The following HDX variants were observed in gnomAD, a reference collection of about 807,000 sequenced individuals.
HDX encodes the protein chromosome X open reading frame 43.
HDX carries 19 observed loss-of-function variants against 45.2 expected under a neutral mutation model. The observed-to-expected ratio is 0.42, with a 90% CI of 0.29 to 0.62. The LOEUF (loss-of-function observed/expected upper bound fraction) is 0.62. Among genes scored for constraint, HDX ranks in the 20% least tolerant of loss-of-function variants. HDX has a pLI of 0.20. For synonymous variants in HDX, 188 were observed against 172.8 expected (o/e 1.09, Z -0.69); for missense variants, 532 against 493.9 (o/e 1.08, Z -0.73).
chrX:84,379,809 A>T, intron 5 of HDX, among the ~76,000 whole-genome samples: 1 of 111,148 alleles, frequency 9.0e-6, no homozygotes, highest in East Asian at 2.8e-4. Flanking sequence ...AATGCATCTC[A>T]AAGAACTAGA....
chrX:84,495,046 A>G (rs2040971333), intron 1 of HDX, among the ~76,000 whole-genome samples: 2 of 111,007 alleles, frequency 1.8e-5, no homozygotes, highest in African/African-American at 6.5e-5. Flanking sequence ...ATTTGCAACT[A>G]CATAGGGGAA....
intron 4 of HDX, among the ~76,000 whole-genome samples, chrX:84,442,736 A>C (rs2039789108): frequency 9.0e-6 from 1 of 111,457 alleles, no homozygotes; most frequent in African/African-American, 3.2e-5. Context: ...TATAGATACC[A>C]AGTGTTTTGG....
At chrX:84,500,608 C>G (rs150217562) in intron 1 of HDX, among the ~76,000 whole-genome samples, 3 of 111,019 alleles carry the variant, frequency 2.7e-5, no homozygotes, top group African/African-American at 6.6e-5. Context: ...TTGGAAGGCA[C>G]TTGTGGAGGG....
intron 5 of HDX, among the ~76,000 whole-genome samples, chrX:84,423,993 T>C (rs1481517177): frequency 9.0e-6 from 1 of 111,063 alleles, no homozygotes; most frequent in Non-Finnish European, 1.9e-5. Flanking sequence ...CAGAAAGATA[T>C]AAAGGGCATC....
At chrX:84,497,331 C>T (rs1465608384) in intron 1 of HDX, among the ~76,000 whole-genome samples, 1 of 111,775 alleles carries the variant, frequency 8.9e-6, no homozygotes, top group African/African-American at 3.2e-5. Flanking sequence ...TTAAATGGCA[C>T]AGCTATTCCA....
intron 5 of HDX, among the ~76,000 whole-genome samples, chrX:84,423,483 C>CAAAAAAAAAAAA (rs538893311): frequency 1.7e-5 from 1 of 59,503 alleles, no homozygotes; most frequent in Non-Finnish European, 3.0e-5. Context: ...ACAGAAACAT[C>CAAAAAAAAAAAA]AAAAAAAAAA....
At chrX:84,388,905 G>A (rs898229320) in intron 5 of HDX, among the ~76,000 whole-genome samples, 1 of 111,597 alleles carries the variant, frequency 9.0e-6, no homozygotes, top group Non-Finnish European at 1.9e-5. Context: ...TTAATTGCCA[G>A]ACTTTTGTGC....
intron 3 of HDX, 41 bp downstream of exon 3, chrX:84,475,210 A>G: frequency 8.9e-7 from 1 of 1,118,709 alleles, no homozygotes; most frequent in Non-Finnish European, 1.2e-6. Context: ...ATCACTTGTA[A>G]TAAGAAGCTT....
chrX:84,440,096 A>T (rs1210439768), intron 5 of HDX: 1 of 111,901 alleles, frequency 8.9e-6, no homozygotes, highest in Non-Finnish European at 1.9e-5. Flanking sequence ...TTGTATCAGA[A>T]ATCTAGAGCA....
At chrX:84,394,155 C>G (rs1350131524) in intron 5 of HDX, among the ~76,000 whole-genome samples, 1 of 111,316 alleles carries the variant, frequency 9.0e-6, no homozygotes, top group African/African-American at 3.3e-5. Context: ...CCTCTTAGCA[C>G]TGCATTTTCC....
chrX:84,373,311 T>G (rs1270590049), intron 5 of HDX, among the ~76,000 whole-genome samples: 1 of 110,798 alleles, frequency 9.0e-6, no homozygotes, highest in African/African-American at 3.3e-5. Context: ...GGAATGTGGG[T>G]AGGCAGACAT....
chrX:84,382,656 T>G (rs2038216664), intron 5 of HDX, among the ~76,000 whole-genome samples: 1 of 110,933 alleles, frequency 9.0e-6, no homozygotes, highest in Non-Finnish European at 1.9e-5. Flanking sequence ...ACAATTGAAC[T>G]CATGGACCTA....
intron 6 of HDX, among the ~76,000 whole-genome samples, chrX:84,345,779 T>C: frequency 8.9e-6 from 1 of 111,772 alleles, no homozygotes; most frequent in Admixed American, 9.5e-5. Flanking sequence ...TTTCTTAGCA[T>C]TCTTGCTAGC....
chrX:84,355,819 T>G (rs947500881), intron 6 of HDX, among the ~76,000 whole-genome samples: 3 of 108,417 alleles, frequency 2.8e-5, no homozygotes, highest in Admixed American at 1.0e-4. Context: ...GTAACAAACC[T>G]GCACATTGTG....
chrX:84,431,259 A>G (rs1326884479), intron 5 of HDX, among the ~76,000 whole-genome samples: 1 of 110,622 alleles, frequency 9.0e-6, no homozygotes, highest in Non-Finnish European at 1.9e-5. Flanking sequence ...ATTGATGGGC[A>G]CTTATGGTTG....
intron 5 of HDX, among the ~76,000 whole-genome samples, chrX:84,378,655 C>T (rs1261414360): frequency 9.0e-6 from 1 of 110,814 alleles, no homozygotes; most frequent in African/African-American, 3.3e-5. Context: ...ACAACAGATA[C>T]ACAAAAAATA....
At chrX:84,406,483 C>CACACACACACACACACAT (rs1180101640) in intron 5 of HDX, among the ~76,000 whole-genome samples, 3 of 79,523 alleles carry the variant, frequency 3.8e-5, no homozygotes, top group Non-Finnish European at 7.2e-5. Flanking sequence ...CACACACACA[C>CACACACACACACACACAT]ACACACACAC....
chrX:84,437,380 A>T (rs771061670), intron 5 of HDX, among the ~76,000 whole-genome samples: 42 of 110,434 alleles, frequency 3.8e-4, no homozygotes, highest in African/African-American at 1.2e-3. Context: ...CAATCCTCCC[A>T]CCTCAGCCTC....
rs981234710 is a variant in HDX at position 84,374,459 on chromosome X, C to A, written c.1306-12847G>T. Reference sequence around the variant, plus strand: ...AAGAGCCTGCATAGCCAAGACAATCCTAAGCCAAAAGAACAAAGCTATAGG... The same window carrying A: ...AAGAGCCTGCATAGCCAAGACAATCATAAGCCAAAAGAACAAAGCTATAGG... On this transcript the variant is annotated intron_variant, in intron 5 of 10. Coordinates refer to ENST00000373177, the MANE Select transcript of HDX (RefSeq NM_001177479.2). Among the ~76,000 whole-genome samples, 4 of 110,489 alleles carry A rather than the reference C, an allele frequency of 3.6e-5. No individual in the cohort carries two copies. In the Admixed American group the frequency reaches 3.9e-4, roughly 11 times the overall value.
Sources: allele counts gnomAD v4.1 joint callset (sites outside exome capture counted in the v4.1 genomes callset), GRCh38; gene constraint gnomAD v4.1.1; transcripts MANE v1.5; gene names NCBI Gene and HGNC (gene_info 2026-07-23, HGNC 2026-07-21).